KCNQ1: variants seen among roughly 807,000 people sequenced by gnomAD.
KCNQ1 encodes the protein potassium voltage-gated channel subfamily Q member 1, also known as potassium voltage-gated channel subfamily KQT member 1.
Under a neutral mutation model 72.4 loss-of-function variants are expected in KCNQ1, and 49 were observed. The observed-to-expected ratio is 0.68, with a 90% confidence interval of 0.54 to 0.86. The LOEUF (loss-of-function observed/expected upper bound fraction) is 0.86, where lower values mean the gene tolerates loss of function less well. KCNQ1 is among the 40% of genes least tolerant of loss of function. The pLI is 0.00. For synonymous variants in KCNQ1, 450 were observed against 412.6 expected (o/e 1.09, Z -1.10); for missense variants, 790 against 945.1 (o/e 0.84, Z 2.15).
At chr11:2,619,037 T>G in intron 10 of KCNQ1, 1 of 398,490 alleles carries the variant, frequency 2.5e-6, no homozygotes, top group Non-Finnish European at 4.4e-6. Context: ...TCCTACAACT[T>G]TACTGAACTC....
In KCNQ1 at chr11:2,735,523, G is replaced by T. The variant is rs1049676534; in HGVS notation, c.1515-33321G>T. On this transcript the variant is annotated intron_variant, in intron 11 of 15. Coordinates refer to ENST00000155840, the MANE Select transcript of KCNQ1 (RefSeq NM_000218.3). This position sits in a 1 kb window ranked among gnomAD's most constrained non-coding sequence, Gnocchi z 7.7. ...CCCCTCACCCACCCATCCACACCCC[G>T]CAGGCATCCTAGGGCCTGGCCCACC... Among the ~76,000 whole-genome samples the T allele has an allele frequency of 6.6e-6, 1 of 151,688 alleles. No individual in the cohort carries two copies. The highest frequency in any genetic ancestry group is 1.5e-5 in the Non-Finnish European group (1 of 67,930).
rs1283655022 is a variant in KCNQ1, at chr11:2,475,144, TC to T, written c.386+29665del. ...AAGAGGAAATTAGCAGTCACCCCTT[TC>T]CCCCATGCCCCCAGCTCCTGACAAC... On this transcript the variant is annotated intron_variant, in intron 1 of 15. Coordinates refer to ENST00000155840, the MANE Select transcript of KCNQ1 (RefSeq NM_000218.3). The surrounding 1 kb of genome is among the most constrained non-coding windows in gnomAD (Gnocchi z 5.8). 2.0e-5 allele frequency among the ~76,000 whole-genome samples: 3 copies of T among 152,116 alleles called. No homozygotes were observed. Among genetic ancestry groups the T allele is most frequent in the African/African-American group, 7.2e-5 (3 of 41,424 alleles).
chr11:2,727,172 C>G (rs777997459), intron 11 of KCNQ1, among the ~76,000 whole-genome samples: 2 of 152,194 alleles, frequency 1.3e-5, no homozygotes, highest in Non-Finnish European at 1.5e-5. Context: ...CAGTGGGGCT[C>G]TGGAGCAACA....
At chr11:2,597,193 A>T (rs1009718184) in intron 10 of KCNQ1, among the ~76,000 whole-genome samples, 2 of 152,222 alleles carry the variant, frequency 1.3e-5, no homozygotes, top group African/African-American at 4.8e-5. Context: ...ATAACACTCT[A>T]TGGGTATGTG....
At chr11:2,511,315 G>A (rs1847199543) in intron 1 of KCNQ1, among the ~76,000 whole-genome samples, 2 of 152,288 alleles carry the variant, frequency 1.3e-5, no homozygotes, top group South Asian at 4.2e-4. Context: ...CCACTGGAGG[G>A]CTTCCTGGGG....
Position 2,808,672 on chromosome 11 carries a change from A to G in KCNQ1, c.1794+30635A>G, listed in dbSNP as rs886764207. Among the ~76,000 whole-genome samples the G allele has an allele frequency of 6.6e-6, 1 of 152,204 alleles. No homozygotes were observed. Among genetic ancestry groups the G allele is most frequent in the African/African-American group, 2.4e-5 (1 of 41,442 alleles). ...CAACAGTACAGAAAGGTCTGAAATG[A>G]AAGGTAAATACCTTCATGACCATGC... On this transcript the variant is annotated intron_variant, in intron 15 of 15. Transcript: ENST00000155840. This position sits in a 1 kb window ranked among gnomAD's most constrained non-coding sequence, Gnocchi z 6.0.
At chr11:2,777,078 A>G in intron 14 of KCNQ1, 46 bp downstream of exon 14, 1 of 1,576,368 alleles carries the variant, frequency 6.3e-7, no homozygotes, top group Non-Finnish European at 8.7e-7. Context: ...CCTGCAATGG[A>G]CTCTCCCGCA....
intron 15 of KCNQ1, among the ~76,000 whole-genome samples, chr11:2,838,659 G>A (rs533123753): frequency 6.6e-6 from 1 of 152,294 alleles, no homozygotes; most frequent in African/African-American, 2.4e-5. Context: ...GGATGTGGGG[G>A]CAGCAGGGCC....
intron 2 of KCNQ1, among the ~76,000 whole-genome samples, chr11:2,531,012 G>T (rs958730948): frequency 2.0e-5 from 3 of 152,094 alleles, no homozygotes; most frequent in African/African-American, 4.8e-5. Flanking sequence ...CGGTGCTAAC[G>T]TGAGCCCACC....
chr11:2,698,961 C>G lies in KCNQ1; in HGVS notation c.1514+36880C>G. ...CTGATCCCAACTAGGATACCTAACTCAGAACCACAACGGGGATTCCCACCT... is the reference window on the plus strand; with the variant it reads ...CTGATCCCAACTAGGATACCTAACTGAGAACCACAACGGGGATTCCCACCT... On this transcript the variant is annotated intron_variant, in intron 11 of 15. Transcript: ENST00000155840. This position sits in a 1 kb window ranked among gnomAD's most constrained non-coding sequence, Gnocchi z 5.1. The G allele has an allele frequency of 2.5e-6, 1 of 398,644 alleles. No homozygotes were observed. 24.7% of individuals were successfully genotyped at this position (398,644 alleles called of 1,614,324 possible). A position where few individuals can be genotyped will look rare whatever the true frequency, so the allele number is the denominator to read the frequency against.
rs72847676 is a variant in KCNQ1 at position 2,538,716 on chromosome 11, A to G, written c.477+10698A>G. On this transcript the variant is annotated intron_variant, in intron 2 of 15. Transcript: ENST00000155840. This position sits in a 1 kb window ranked among gnomAD's most constrained non-coding sequence, Gnocchi z 6.7. Reference sequence around the variant, plus strand: ...GCCCTACGGTGAATCGTTTTCTGTAACAAAGGCTTCCTCTGTGCAGCCCAC... The same window carrying G: ...GCCCTACGGTGAATCGTTTTCTGTAGCAAAGGCTTCCTCTGTGCAGCCCAC... Among the ~76,000 whole-genome samples, 9,290 of 151,512 alleles carry G rather than the reference A, an allele frequency of 0.061. 370 individuals carry two copies. Among genetic ancestry groups the G allele is most frequent in the Non-Finnish European group, 0.089 (6,054 of 67,876 alleles).
At chr11:2,693,992 G>T in intron 11 of KCNQ1, 1 of 398,706 alleles carries the variant, frequency 2.5e-6, no homozygotes, top group Non-Finnish European at 4.4e-6. Context: ...GCCCAGCCCG[G>T]CCTCTCTAGG....
chr11:2,648,252 C>G (rs1849698146), intron 10 of KCNQ1: 2 of 398,498 alleles, frequency 5.0e-6, no homozygotes, highest in Non-Finnish European at 8.8e-6. Flanking sequence ...GTCTTTTTTA[C>G]CTTTTATCTC....
Position 2,746,972 on chromosome 11 carries a change from A to C in KCNQ1, c.1515-21872A>C, listed in dbSNP as rs192547522. On this transcript the variant is annotated intron_variant, in intron 11 of 15. Transcript: ENST00000155840. This position sits in a 1 kb window ranked among gnomAD's most constrained non-coding sequence, Gnocchi z 5.9. ...TTCCCCGGGGATAGGGAAGCTGTGC[A>C]GGCAGCCTGGGTAATGGGCCACCGC... 1.2e-4 allele frequency among the ~76,000 whole-genome samples: 18 copies of C among 152,278 alleles called. No individual in the cohort carries two copies. The highest frequency in any genetic ancestry group is 4.3e-4 in the African/African-American group (18 of 41,578).
rs973686593 is a variant in KCNQ1 at position 2,494,063 on chromosome 11, A to G, written c.387-33865A>G. ...TGTTCTCCTTGAAGAGGTCCTTCAC[A>G]TCCCTTGTAAGTTGTATTCCTAGGT... is the stretch of plus-strand genomic sequence containing the variant. On this transcript the variant is annotated intron_variant, in intron 1 of 15. Coordinates refer to ENST00000155840, the MANE Select transcript of KCNQ1 (RefSeq NM_000218.3). The surrounding 1 kb of genome is among the most constrained non-coding windows in gnomAD (Gnocchi z 4.6). 5.9e-5 allele frequency among the ~76,000 whole-genome samples: 9 copies of G among 152,150 alleles called. No individual in the cohort carries two copies. The highest frequency in any genetic ancestry group is 3.9e-4 in the East Asian group (2 of 5,174).
chr11:2,587,758 G>T, intron 9 of KCNQ1, 66 bp downstream of exon 9: 4 of 1,603,926 alleles, frequency 2.5e-6, no homozygotes, highest in Non-Finnish European at 3.4e-6. Flanking sequence ...CGTGGGGGCC[G>T]CAGCACGAGG....
Position 2,666,480 on chromosome 11 carries a change from C to T in KCNQ1, c.1514+4399C>T, listed in dbSNP as rs147039829. On this transcript the variant is annotated intron_variant, in intron 11 of 15. Coordinates refer to ENST00000155840, the MANE Select transcript of KCNQ1 (RefSeq NM_000218.3). ...GACCCTGCAGAATCTCACGCCAAGA[C>T]ATTCGAGTTGCTCTTTTCCAGCAAG... 2.8e-3 allele frequency: 1,132 copies of T among 398,696 alleles called. 4 individuals are homozygous for T. The highest frequency in any genetic ancestry group is 4.3e-3 in the Non-Finnish European group (974 of 226,092). 24.7% of individuals were successfully genotyped at this position (398,696 alleles called of 1,614,324 possible). A position where few individuals can be genotyped will look rare whatever the true frequency, so the allele number is the denominator to read the frequency against.
At chr11:2,644,674 C>A (rs1040625405) in intron 10 of KCNQ1, 7 of 398,426 alleles carry the variant, frequency 1.8e-5, no homozygotes, top group African/African-American at 1.4e-4. Flanking sequence ...ACAGTAGTTT[C>A]TTCCAATTTT....
In KCNQ1 at chr11:2,768,471, A is replaced by G. The variant is rs1354453288; in HGVS notation, c.1515-373A>G. Among the ~76,000 whole-genome samples the G allele has an allele frequency of 1.3e-5, 2 of 151,948 alleles. No homozygotes were observed. The highest frequency in any genetic ancestry group is 2.9e-5 in the Non-Finnish European group (2 of 67,974). Reference sequence around the variant, plus strand: ...TCGCCAGCATGTACCCTCTTATCCCATTTGCTGACAAGGATCCTGAAGGCC... The same window carrying G: ...TCGCCAGCATGTACCCTCTTATCCCGTTTGCTGACAAGGATCCTGAAGGCC... On this transcript the variant is annotated intron_variant, in intron 11 of 15. Transcript: ENST00000155840. This position sits in a 1 kb window ranked among gnomAD's most constrained non-coding sequence, Gnocchi z 6.7.
Sources: allele counts gnomAD v4.1 joint callset (sites outside exome capture counted in the v4.1 genomes callset), GRCh38; gene constraint gnomAD v4.1.1; non-coding constraint Gnocchi (gnomAD v3.1); transcripts MANE v1.5; gene names NCBI Gene and HGNC (gene_info 2026-07-23, HGNC 2026-07-21).